The following PADI6 variants were observed in gnomAD, a reference collection of about 807,000 sequenced individuals.
The protein encoded by PADI6 is peptidyl arginine deiminase 6.
Under a neutral mutation model 78.2 loss-of-function variants are expected in PADI6, and 66 were observed. The ratio of observed to expected loss-of-function variants is 0.84; its 90% CI spans 0.69 to 1.04. The LOEUF is 1.04. Among genes scored for constraint, PADI6 ranks in the 50% least tolerant of loss-of-function variants. The probability of loss-of-function intolerance (pLI) is 0.00; values close to 1 mark genes in which losing one functional copy is unlikely to be tolerated. For synonymous variants in PADI6, 397 were observed against 346.9 expected (o/e 1.14, Z -1.60); for missense variants, 854 against 866.1 (o/e 0.99, Z 0.18).
At position 17,388,887 on chromosome 1, in the gene PADI6, G is replaced by A; in HGVS notation, c.962+7G>A. 6.2e-7 allele frequency: 1 copy of A among 1,609,380 alleles called. No homozygotes were observed. The highest frequency in any genetic ancestry group is 8.5e-7 in the Non-Finnish European group (1 of 1,176,598). ...TGGAGGTTTACCTGTGCAGGTGAGA[G>A]ACCATCAGGCTGACTGTGCCAGGCG... On this transcript the variant is annotated splice_region_variant and intron_variant, in intron 8 of 15. Coordinates refer to ENST00000619609, the MANE Select transcript of PADI6 (RefSeq NM_207421.4).
intron 15 of PADI6, 126 bp downstream of exon 15, chr1:17,398,973 G>A: frequency 1.9e-6 from 2 of 1,079,072 alleles, no homozygotes; most frequent in Non-Finnish European, 2.6e-6. Context: ...GAAATGGGAG[G>A]GAGACCCCTT....
intron 9 of PADI6, 100 bp downstream of exon 9, chr1:17,392,325 A>G: frequency 3.4e-6 from 3 of 889,346 alleles, no homozygotes; most frequent in Non-Finnish European, 5.2e-6. Flanking sequence ...AACCTTAAAG[A>G]CCGAAGCCTT....
chr1:17,375,624 A>T, intron 3 of PADI6, 125 bp downstream of exon 3: 1 of 773,276 alleles, frequency 1.3e-6, no homozygotes, highest in East Asian at 2.7e-5. Context: ...GGGCCCCAGG[A>T]ACTCCTGAAC....
intron 10 of PADI6, 91 bp from the exon 11 acceptor site, chr1:17,394,209 A>T (rs2075222593): frequency 2.6e-6 from 4 of 1,564,010 alleles, no homozygotes; most frequent in Admixed American, 1.7e-5. Flanking sequence ...GGGACGTGGA[A>T]GTCTACCTGA....
At chr1:17,372,997 A>G in intron 1 of PADI6, 59 bp from the exon 2 acceptor site, 1 of 1,541,594 alleles carries the variant, frequency 6.5e-7, no homozygotes, top group Non-Finnish European at 8.9e-7. Context: ...CATGCCAGTC[A>G]TCTCCTAGGC....
At chr1:17,380,114 T>TG (rs2075058344) in intron 4 of PADI6, 127 bp downstream of exon 4, 1 of 865,492 alleles carries the variant, frequency 1.2e-6, no homozygotes, top group Admixed American at 2.1e-5. Context: ...ATTAGATACG[T>TG]GGAGGGGAGG....
Position 17,398,678 on chromosome 1 carries a change from A to ACCCCCCCCCCCCCCCCCCCCC in PADI6, c.1690-5_1690-4insCCCCCCCCCCCCCCCCCCCCC. ...CGCCCCCCCCCCCACCCACCCACCC[A>ACCCCCCCCCCCCCCCCCCCCC]CCCACAGAAGTGCATTCACCTGAAC... On this transcript the variant is annotated splice_polypyrimidine_tract_variant and splice_region_variant and intron_variant, in intron 14 of 15. Transcript: ENST00000619609. 9.1e-6 allele frequency: 1 copy of ACCCCCCCCCCCCCCCCCCCCC among 110,270 alleles called. No individual in the cohort carries two copies. The highest frequency in any genetic ancestry group is 1.6e-5 in the Non-Finnish European group (1 of 61,908). The allele number at this position is 110,270 out of a possible 1,614,324, so 6.8% of individuals were successfully genotyped here.
intron 8 of PADI6, among the ~76,000 whole-genome samples, chr1:17,391,472 A>G (rs12127366): frequency 0.66 from 100,165 of 152,060 alleles, 33,199 homozygotes; most frequent in African/African-American, 0.72. Context: ...CGCCCGCCTC[A>G]GCCTCCCAAA....
chr1:17,390,232 CAG>C lies in PADI6; in HGVS notation c.962+1355_962+1356del, dbSNP rs549976916. ...AGGAGAATCACTTGAACCCAGGAGACAGAGGTTGCAGTGAGCTGAAATAGCCC... is the reference window on the plus strand; with the variant it reads ...AGGAGAATCACTTGAACCCAGGAGACAGGTTGCAGTGAGCTGAAATAGCCC... On this transcript the variant is annotated intron_variant, in intron 8 of 15. Transcript: ENST00000619609. Among the ~76,000 whole-genome samples the C allele has an allele frequency of 2.3e-3, 357 of 152,108 alleles. 6 individuals carry two copies. Among genetic ancestry groups the C allele is most frequent in the African/African-American group, 7.8e-3 (322 of 41,474 alleles).
At chr1:17,385,884 G>A (rs773963531) in intron 6 of PADI6, among the ~76,000 whole-genome samples, 18 of 152,158 alleles carry the variant, frequency 1.2e-4, no homozygotes, top group Non-Finnish European at 2.2e-4. Flanking sequence ...AGCAGTACAT[G>A]GCAGGTAGGA....
At chr1:17,374,539 T>G (rs2074996366) in intron 2 of PADI6, among the ~76,000 whole-genome samples, 2 of 152,130 alleles carry the variant, frequency 1.3e-5, no homozygotes, top group Admixed American at 6.5e-5. Flanking sequence ...GGCTGGAGAA[T>G]CGCTTGAACC....
At chr1:17,386,577 C>T (rs2100304380) in intron 6 of PADI6, among the ~76,000 whole-genome samples, 1 of 152,310 alleles carries the variant, frequency 6.6e-6, no homozygotes, top group African/African-American at 2.4e-5. Context: ...GCAGGGGTTC[C>T]TGGGGGAAGA....
At chr1:17,381,653 T>C (rs1006196450) in intron 5 of PADI6, among the ~76,000 whole-genome samples, 12 of 152,220 alleles carry the variant, frequency 7.9e-5, no homozygotes, top group Admixed American at 2.6e-4. Flanking sequence ...TCTTGTTTCC[T>C]ACTGAGACTG....
chr1:17,389,942 T>G (rs1375896396), intron 8 of PADI6, among the ~76,000 whole-genome samples: 3 of 152,204 alleles, frequency 2.0e-5, no homozygotes, highest in East Asian at 1.9e-4. Flanking sequence ...GCTTTTTTGT[T>G]TTTTTAAGGT....
chr1:17,394,191 G>T (rs148192373), intron 10 of PADI6, 109 bp downstream of exon 10: 6 of 201,752 alleles, frequency 3.0e-5, no homozygotes, highest in African/African-American at 2.0e-4. Context: ...TGGCCTCTGA[G>T]GGGGGAGGGG....
intron 11 of PADI6, 93 bp from the exon 12 acceptor site, chr1:17,394,858 G>T (rs1462865468): frequency 8.0e-5 from 114 of 1,421,850 alleles, no homozygotes; most frequent in Non-Finnish European, 1.0e-4. Flanking sequence ...ACGGTCAGAG[G>T]CCAGCTCCCT....
intron 3 of PADI6, among the ~76,000 whole-genome samples, chr1:17,376,325 A>G (rs536334176): frequency 6.8e-6 from 1 of 147,614 alleles, no homozygotes; most frequent in African/African-American, 2.5e-5. Flanking sequence ...TTTGAGATGG[A>G]GTCTTGCTCT....
chr1:17,393,184 G>GA (rs1390304614), intron 9 of PADI6, among the ~76,000 whole-genome samples: 1 of 148,750 alleles, frequency 6.7e-6, no homozygotes, highest in Non-Finnish European at 1.5e-5. Flanking sequence ...TGGAGGTCTT[G>GA]AAGAAGGCTG....
At chr1:17,386,819 G>C (rs570150553) in intron 6 of PADI6, among the ~76,000 whole-genome samples, 163 of 152,326 alleles carry the variant, frequency 1.1e-3, no homozygotes, top group Admixed American at 2.0e-3. Context: ...CCCAGAGCAA[G>C]AGGCCGAGGA....
Sources: allele counts gnomAD v4.1 joint callset (sites outside exome capture counted in the v4.1 genomes callset), GRCh38; gene constraint gnomAD v4.1.1; transcripts MANE v1.5; gene names NCBI Gene and HGNC (gene_info 2026-07-23, HGNC 2026-07-21).